The following PLG variants were observed in gnomAD, a reference collection of about 807,000 sequenced individuals.
PLG encodes the protein plasminogen, also known as plasmin.
PLG carries 41 observed loss-of-function variants against 104.4 expected under a neutral mutation model. The ratio of observed to expected loss-of-function variants is 0.39; its 90% CI spans 0.31 to 0.51. The LOEUF (loss-of-function observed/expected upper bound fraction) is 0.51, where lower values mean the gene tolerates loss of function less well. PLG is among the 20% of genes least tolerant of loss of function. The pLI, the probability that PLG is intolerant of heterozygous loss-of-function variation, is 0.76. For synonymous variants in PLG, 337 were observed against 357.1 expected (o/e 0.94, Z 0.63); for missense variants, 891 against 1,003.6 (o/e 0.89, Z 1.52).
At chr6:160,747,884 T>C (rs892792223) in intron 17 of PLG, among the ~76,000 whole-genome samples, 9 of 152,214 alleles carry the variant, frequency 5.9e-5, no homozygotes, top group African/African-American at 2.2e-4. Flanking sequence ...CAAACCTCTA[T>C]GAATTACATA....
intron 4 of PLG, among the ~76,000 whole-genome samples, chr6:160,712,666 T>A (rs1282560587): frequency 6.6e-6 from 1 of 152,200 alleles, no homozygotes; most frequent in Non-Finnish European, 1.5e-5. Flanking sequence ...AAACGGTAAC[T>A]GACAAAAGCA....
At position 160,739,923 on chromosome 6, in the gene PLG, G is replaced by C. The variant is rs184403065; in HGVS notation, c.2018+715G>C. On this transcript the variant is annotated intron_variant, in intron 16 of 18. Coordinates refer to ENST00000308192, the MANE Select transcript of PLG (RefSeq NM_000301.5). The surrounding 1 kb of genome is among the most constrained non-coding windows in gnomAD (Gnocchi z 4.4). ...GTTGAAATGTTGTTTCACTAAGCCT[G>C]ACAAAGTGAAACATTTGCTTATGTC... 1.3e-5 allele frequency among the ~76,000 whole-genome samples: 2 copies of C among 152,216 alleles called. No homozygotes were observed. The highest frequency in any genetic ancestry group is 3.9e-4 in the East Asian group (2 of 5,188).
rs774229224 is a variant in PLG, at chr6:160,706,454, C to A, written c.97C>A (p.Leu33Met). Residue 33 changes from leucine to methionine, a missense_variant, in exon 2 of 19, where the codon CTG (leucine) becomes ATG (methionine). Physicochemically the swap from Leu to Met is conservative, Grantham distance 15. Around this residue, in one of 2 missense-constraint regions of PLG, gnomAD observed 854 missense variants for 932.1 expected, o/e 0.92. Coordinates refer to ENST00000308192, the MANE Select transcript of PLG (RefSeq NM_000301.5). ...DDYVNTQGAS[L>M]FSVTKKQLGA... ...CTATGTGAATACCCAGGGGGCTTCA[C>A]TGTTCAGTGTCACTAAGAAGCAGCT... The A allele has an allele frequency of 6.2e-7, 1 of 1,613,768 alleles. No individual in the cohort carries two copies. Among genetic ancestry groups the A allele is most frequent in the South Asian group, 1.1e-5 (1 of 91,062 alleles).
At chr6:160,707,930 A>G (rs1777562145) in intron 3 of PLG, 124 bp downstream of exon 3, 5 of 851,272 alleles carry the variant, frequency 5.9e-6, no homozygotes, top group Non-Finnish European at 1.0e-5. Context: ...ATAAAACTGA[A>G]TTCTGAGTTA....
chr6:160,750,868 G>A (rs114097657), intron 17 of PLG, among the ~76,000 whole-genome samples: 17 of 152,236 alleles, frequency 1.1e-4, no homozygotes, highest in African/African-American at 3.9e-4. Context: ...ACATCCCTGG[G>A]CATGTCTATC....
In PLG at chr6:160,736,786, T is replaced by G; in HGVS notation, c.1682-101T>G. ...GATGATTTTACTATTTAGTTCGGCC[T>G]TTAAGATGTCAAAAACTCAGTGCTT... On this transcript the variant is annotated intron_variant, in intron 13 of 18. Coordinates refer to ENST00000308192, the MANE Select transcript of PLG (RefSeq NM_000301.5). This position sits in a 1 kb window ranked among gnomAD's most constrained non-coding sequence, Gnocchi z 5.2. The G allele has an allele frequency of 6.7e-7, 1 of 1,494,104 alleles. No homozygotes were observed. The highest frequency in any genetic ancestry group is 1.1e-5 in the South Asian group (1 of 87,536). 92.6% of individuals were successfully genotyped at this position (1,494,104 alleles called of 1,614,324 possible).
rs751250958 is a variant in PLG at position 160,734,118 on chromosome 6, T to G, written c.1681+30T>G. The G allele has an allele frequency of 5.6e-6, 7 of 1,245,468 alleles. No individual in the cohort carries two copies. In the South Asian group the frequency reaches 8.3e-5, roughly 15 times the overall value. The allele number at this position is 1,245,468 out of a possible 1,614,324, so 77.2% of individuals were successfully genotyped here. A position where few individuals can be genotyped will look rare whatever the true frequency, so the allele number is the denominator to read the frequency against. ...GTTGCCTTCTTTTTGGTAAGGAAAC[T>G]GCTTACTTAATATGGATTTGCAACA... On this transcript the variant is annotated intron_variant, in intron 13 of 18. Transcript: ENST00000308192. The surrounding 1 kb of genome is among the most constrained non-coding windows in gnomAD (Gnocchi z 4.4).
In PLG at chr6:160,702,427, C is replaced by T; in HGVS notation, c.49+74C>T. The T allele has an allele frequency of 2.2e-6, 3 of 1,346,624 alleles. No homozygotes were observed. In the South Asian group the frequency reaches 3.8e-5, roughly 17 times the overall value. The allele number at this position is 1,346,624 out of a possible 1,614,324, so 83.4% of individuals were successfully genotyped here. A position where few individuals can be genotyped will look rare whatever the true frequency, so the allele number is the denominator to read the frequency against. On this transcript the variant is annotated intron_variant, in intron 1 of 18. Coordinates refer to ENST00000308192, the MANE Select transcript of PLG (RefSeq NM_000301.5). ...TGTAGTAAAAATACATATGCCATGG[C>T]TTTATGTGCAATTCATTTAATTTTT...
chr6:160,723,519 C>T lies in PLG; in HGVS notation c.1256+952C>T, dbSNP rs182295965. ...AAGGAGATGGAGCCCAAGCCGACCA[C>T]AGCAGTCTTGCTGAACTGAGGAAGG... On this transcript the variant is annotated intron_variant, in intron 10 of 18. Transcript: ENST00000308192. The surrounding 1 kb of genome is among the most constrained non-coding windows in gnomAD (Gnocchi z 4.7). 3.9e-5 allele frequency among the ~76,000 whole-genome samples: 6 copies of T among 152,254 alleles called. No homozygotes were observed. The highest frequency in any genetic ancestry group is 2.6e-4 in the Admixed American group (4 of 15,302).
chr6:160,717,497 T>C (rs1327829011), intron 7 of PLG, among the ~76,000 whole-genome samples: 1 of 152,178 alleles, frequency 6.6e-6, no homozygotes, highest in Non-Finnish European at 1.5e-5. Context: ...TCATCTTTTT[T>C]CCTCAAGAAT....
Position 160,724,266 on chromosome 6 carries a change from AG to A in PLG, c.1256+1700del, listed in dbSNP as rs1473508786. Among the ~76,000 whole-genome samples, 3 of 152,186 alleles carry A rather than the reference AG, an allele frequency of 2.0e-5. No individual in the cohort carries two copies. Among genetic ancestry groups the A allele is most frequent in the African/African-American group, 7.2e-5 (3 of 41,468 alleles). ...AGAAACAAATGGATAATATCAAAAA[AG>A]AAAAATTATAAAATAACCAAATAGA... On this transcript the variant is annotated intron_variant, in intron 10 of 18. Coordinates refer to ENST00000308192, the MANE Select transcript of PLG (RefSeq NM_000301.5). This position sits in a 1 kb window ranked among gnomAD's most constrained non-coding sequence, Gnocchi z 5.0.
In PLG at chr6:160,725,448, G is replaced by C. The variant is rs1037935839; in HGVS notation, c.1256+2881G>C. Among the ~76,000 whole-genome samples, 1 of 151,450 alleles carries C rather than the reference G, an allele frequency of 6.6e-6. No individual in the cohort carries two copies. The highest frequency in any genetic ancestry group is 1.5e-5 in the Non-Finnish European group (1 of 67,910). ...TTAAAGAGGGTTATTGCAAATCCTA[G>C]AACAACTGAAAAAATTTAAACTTAG... is the stretch of plus-strand genomic sequence containing the variant. On this transcript the variant is annotated intron_variant, in intron 10 of 18. Transcript: ENST00000308192. The surrounding 1 kb of genome is among the most constrained non-coding windows in gnomAD (Gnocchi z 6.3).
intron 17 of PLG, among the ~76,000 whole-genome samples, chr6:160,747,199 G>A (rs1562382815): frequency 1.3e-5 from 2 of 152,180 alleles, no homozygotes; most frequent in South Asian, 4.1e-4. Flanking sequence ...GGGGAGAGGC[G>A]GACAGGTCCC....
At chr6:160,733,039 C>G (rs950520139) in intron 12 of PLG, among the ~76,000 whole-genome samples, 16 of 152,242 alleles carry the variant, frequency 1.1e-4, no homozygotes, top group African/African-American at 3.6e-4. Context: ...GGCAACCAGC[C>G]CCATCCTGAG....
intron 17 of PLG, among the ~76,000 whole-genome samples, chr6:160,742,879 C>G (rs1280144098): frequency 6.6e-6 from 1 of 152,052 alleles, no homozygotes; most frequent in Non-Finnish European, 1.5e-5. Context: ...TAGCCAGTTA[C>G]CCCAGCACCA....
rs955514370 is a variant in PLG at position 160,711,143 on chromosome 6, A to C, written c.359A>C (p.Asn120Thr). ...NYRGTMSKTK[N>T]GITCQKWSST... ...AGAGGGACGATGTCCAAAACAAAAA[A>C]TGGCATCACCTGTCAAAAATGGAGT... Residue 120 changes from asparagine to threonine, a missense_variant, in exon 4 of 19, where the codon AAT becomes ACT. This residue lies in a region of PLG where 854 missense variants were observed against 932.1 expected (regional missense o/e 0.92). Coordinates refer to ENST00000308192, the MANE Select transcript of PLG (RefSeq NM_000301.5). 6.2e-7 allele frequency: 1 copy of C among 1,612,236 alleles called. No homozygotes were observed. The highest frequency in any genetic ancestry group is 2.2e-5 in the East Asian group (1 of 44,872).
Position 160,716,544 on chromosome 6 carries a change from G to A in PLG, c.669-101G>A, listed in dbSNP as rs554439221. 8.8e-6 allele frequency: 7 copies of A among 792,834 alleles called. No individual in the cohort carries two copies. In the African/African-American group the frequency reaches 1.0e-4, roughly 11 times the overall value. 49.1% of individuals were successfully genotyped at this position (792,834 alleles called of 1,614,324 possible). Reference sequence around the variant, plus strand: ...CTGATTACCTCCTCCATGCCCGACTGTGCCTAGCACACAGCAGGTGCTCAA... The same window carrying A: ...CTGATTACCTCCTCCATGCCCGACTATGCCTAGCACACAGCAGGTGCTCAA... On this transcript the variant is annotated intron_variant, in intron 6 of 18. Transcript: ENST00000308192.
In PLG at chr6:160,739,472, A is replaced by C. The variant is rs547660112; in HGVS notation, c.2018+264A>C. Among the ~76,000 whole-genome samples, 27 of 152,300 alleles carry C rather than the reference A, an allele frequency of 1.8e-4. No individual in the cohort carries two copies. The South Asian group carries it at 4.4e-3, about 25-fold the overall frequency. ...CTCTGTTACTCCTAGAACTCACTTAATGTTCACCAGTTCATACACATTCAT... is the reference window on the plus strand; with the variant it reads ...CTCTGTTACTCCTAGAACTCACTTACTGTTCACCAGTTCATACACATTCAT... On this transcript the variant is annotated intron_variant, in intron 16 of 18. Transcript: ENST00000308192. The surrounding 1 kb of genome is among the most constrained non-coding windows in gnomAD (Gnocchi z 4.4).
In PLG at chr6:160,752,765, G is replaced by A; in HGVS notation, c.2272-135G>A. ...AAGTACTTAAGCACTGCAGATGCTT[G>A]AGTAATATGCTCATAAGTTCCTTTC... is the stretch of plus-strand genomic sequence containing the variant. On this transcript the variant is annotated intron_variant, in intron 18 of 18. Coordinates refer to ENST00000308192, the MANE Select transcript of PLG (RefSeq NM_000301.5). The surrounding 1 kb of genome is among the most constrained non-coding windows in gnomAD (Gnocchi z 4.7). 9.2e-7 allele frequency: 1 copy of A among 1,089,766 alleles called. No homozygotes were observed. Among genetic ancestry groups the A allele is most frequent in the Admixed American group, 1.9e-5 (1 of 52,534 alleles). The allele number at this position is 1,089,766 out of a possible 1,614,324, so 67.5% of individuals were successfully genotyped here.
Sources: gnomAD v4.1 joint callset for allele counts (sites outside exome capture counted in the v4.1 genomes callset) on GRCh38, gnomAD v4.1.1 for gene constraint, gnomAD v4.1.1 regional missense constraint, Gnocchi (gnomAD v3.1) non-coding constraint, MANE v1.5 for transcripts, NCBI Gene and HGNC (gene_info 2026-07-23, HGNC 2026-07-21) for gene names.